LPP: variants seen among roughly 807,000 people sequenced by gnomAD.
LPP encodes the protein LIM domain containing preferred translocation partner in lipoma.
A neutral mutation model predicts 60.4 loss-of-function variants in LPP; 38 were observed. The observed-to-expected ratio is 0.63, with a 90% CI of 0.49 to 0.83. LPP has a LOEUF of 0.83. Among genes scored for constraint, LPP ranks in the 40% least tolerant of loss-of-function variants. The probability of loss-of-function intolerance (pLI) is 0.00; values close to 1 mark genes in which losing one functional copy is unlikely to be tolerated. For missense variants in LPP, 902 were observed against 783.6 expected (o/e 1.15, Z -1.80); for synonymous variants, 328 against 290.8 (o/e 1.13, Z -1.30).
At chr3:188,418,892 T>C (rs777251778) in intron 4 of LPP, among the ~76,000 whole-genome samples, 25 of 152,216 alleles carry the variant, frequency 1.6e-4, no homozygotes, top group African/African-American at 5.8e-4. Flanking sequence ...GGTAGTTTTA[T>C]TGACATTACA....
intron 2 of LPP, among the ~76,000 whole-genome samples, chr3:188,269,130 A>G (rs141200878): frequency 1.3e-3 from 202 of 152,336 alleles, no homozygotes; most frequent in African/African-American, 4.8e-3. Context: ...GTGATCATAT[A>G]CTATAGTAAA....
rs61033243 is a variant in LPP, at chr3:188,522,784, AATATATATATAT to A, written c.307-1860_307-1849del. On this transcript the variant is annotated intron_variant, in intron 5 of 11. Coordinates refer to ENST00000617246, the MANE Select transcript of LPP (RefSeq NM_001375462.1). Reference sequence around the variant, plus strand: ...TGTTTTAGATAATGTGATAATATGAAATATATATATATATATATATATATATATATATGTGTA... The same window carrying A: ...TGTTTTAGATAATGTGATAATATGAAATATATATATATATATATATGTGTA... Among the ~76,000 whole-genome samples, 534 of 125,302 alleles carry A rather than the reference AATATATATATAT, an allele frequency of 4.3e-3. 4 individuals carry two copies. Among genetic ancestry groups the A allele is most frequent in the African/African-American group, 0.013 (445 of 33,788 alleles). 82.2% of individuals were successfully genotyped at this position (125,302 alleles called of 152,430 possible).
chr3:188,438,354 T>TTCACACACACACACACACAC (rs374408127), intron 4 of LPP, among the ~76,000 whole-genome samples: 3 of 138,010 alleles, frequency 2.2e-5, no homozygotes, highest in Non-Finnish European at 3.1e-5. Context: ...TTCCATGCAT[T>TTCACACACACACACACACAC]ACACACACAC....
At chr3:188,214,688 T>C (rs1712793835) in intron 1 of LPP, among the ~76,000 whole-genome samples, 1 of 152,170 alleles carries the variant, frequency 6.6e-6, no homozygotes, top group Admixed American at 6.5e-5. Context: ...TGTGACCAGC[T>C]GAGGCTGGGT....
intron 5 of LPP, among the ~76,000 whole-genome samples, chr3:188,498,567 A>G (rs1326191330): frequency 6.6e-6 from 1 of 152,190 alleles, no homozygotes; most frequent in East Asian, 1.9e-4. Context: ...GTTAATAGAC[A>G]TTTGGGTTCT....
intron 2 of LPP, among the ~76,000 whole-genome samples, chr3:188,334,677 C>T (rs552507272): frequency 1.1e-3 from 164 of 152,254 alleles, no homozygotes; most frequent in Admixed American, 1.4e-3. Flanking sequence ...GATCCGCCCA[C>T]CTTGGCCTCC....
chr3:188,280,550 G>T (rs1741587094), intron 2 of LPP, among the ~76,000 whole-genome samples: 1 of 152,176 alleles, frequency 6.6e-6, no homozygotes, highest in South Asian at 2.1e-4. Flanking sequence ...TATCAAAAAA[G>T]TCCAGTGCCC....
intron 8 of LPP, among the ~76,000 whole-genome samples, chr3:188,743,108 A>G (rs1314902421): frequency 6.6e-6 from 1 of 152,186 alleles, no homozygotes; most frequent in Non-Finnish European, 1.5e-5. Flanking sequence ...TTGCTGAACC[A>G]TACCTCATAG....
chr3:188,330,755 G>T (rs1156982725), intron 2 of LPP, among the ~76,000 whole-genome samples: 1 of 152,130 alleles, frequency 6.6e-6, no homozygotes, highest in African/African-American at 2.4e-5. Flanking sequence ...GGCAGAGATT[G>T]CAGTGAGCCG....
At chr3:188,278,908 T>C (rs2149886727) in intron 2 of LPP, among the ~76,000 whole-genome samples, 1 of 152,206 alleles carries the variant, frequency 6.6e-6, no homozygotes, top group East Asian at 1.9e-4. Context: ...ATATTATCCA[T>C]GCTTAGCATT....
At chr3:188,774,574 A>G (rs1577467037) in intron 9 of LPP, among the ~76,000 whole-genome samples, 1 of 152,308 alleles carries the variant, frequency 6.6e-6, no homozygotes, top group East Asian at 1.9e-4. Flanking sequence ...TGAATGTATT[A>G]TACAGTCTGG....
intron 3 of LPP, among the ~76,000 whole-genome samples, chr3:188,372,542 C>CT (rs1275294621): frequency 6.6e-6 from 1 of 151,880 alleles, no homozygotes; most frequent in African/African-American, 2.4e-5. Flanking sequence ...GTTTCTTTTT[C>CT]TTTTTTTCTA....
chr3:188,865,059 C>T (rs1304145420), intron 9 of LPP, among the ~76,000 whole-genome samples: 1 of 152,196 alleles, frequency 6.6e-6, no homozygotes, highest in Non-Finnish European at 1.5e-5. Context: ...ACATCCCATT[C>T]AGTTCTGCAT....
chr3:188,749,891 T>C (rs1050459812), intron 8 of LPP, among the ~76,000 whole-genome samples: 1 of 152,236 alleles, frequency 6.6e-6, no homozygotes, highest in African/African-American at 2.4e-5. Context: ...AGGTACTGTA[T>C]GGACAAAATC....
chr3:188,463,747 C>T (rs1255454439), intron 4 of LPP, among the ~76,000 whole-genome samples: 1 of 152,142 alleles, frequency 6.6e-6, no homozygotes, highest in African/African-American at 2.4e-5. Context: ...CTATCCAGCT[C>T]GTTTGTTAAT....
intron 2 of LPP, among the ~76,000 whole-genome samples, chr3:188,329,258 A>G (rs1429221954): frequency 6.6e-6 from 1 of 152,162 alleles, no homozygotes; most frequent in Admixed American, 6.6e-5. Context: ...TGGGACAAGA[A>G]CCTATTGTTA....
In LPP at chr3:188,779,051, A is replaced by G. The variant is rs140490286; in HGVS notation, c.1410+18769A>G. Among the ~76,000 whole-genome samples, 3 of 152,288 alleles carry G rather than the reference A, an allele frequency of 2.0e-5. No individual in the cohort carries two copies. The East Asian group carries it at 5.8e-4, about 29-fold the overall frequency. On this transcript the variant is annotated intron_variant, in intron 9 of 11. Transcript: ENST00000617246. ...CAAATGCTTCACAATTTGAATTTAAACTAGTCAATGGGATCATTAAGATTA... is the reference window on the plus strand; with the variant it reads ...CAAATGCTTCACAATTTGAATTTAAGCTAGTCAATGGGATCATTAAGATTA...
chr3:188,479,210 G>T (rs568495649), intron 4 of LPP, among the ~76,000 whole-genome samples: 2 of 152,292 alleles, frequency 1.3e-5, no homozygotes, highest in African/African-American at 4.8e-5. Flanking sequence ...AACTTGTGGA[G>T]TATCTACATG....
At chr3:188,450,605 C>A (rs1796355138) in intron 4 of LPP, among the ~76,000 whole-genome samples, 1 of 151,908 alleles carries the variant, frequency 6.6e-6, no homozygotes, top group Non-Finnish European at 1.5e-5. Context: ...ATTAGCTGGG[C>A]ATGGTGGCAA....
Sources: allele counts gnomAD v4.1 joint callset (sites outside exome capture counted in the v4.1 genomes callset), GRCh38; gene constraint gnomAD v4.1.1; transcripts MANE v1.5; gene names NCBI Gene and HGNC (gene_info 2026-07-23, HGNC 2026-07-21).